ADGRB3: variants seen among roughly 807,000 people sequenced by gnomAD.
The protein encoded by ADGRB3 is adhesion G protein-coupled receptor B3.
ADGRB3 carries 37 observed loss-of-function variants against 193.4 expected under a neutral mutation model. That is an observed-to-expected ratio of 0.19 (90% CI 0.15 to 0.25). The LOEUF (loss-of-function observed/expected upper bound fraction) is 0.25. Among genes scored for constraint, ADGRB3 ranks in the 10% least tolerant of loss-of-function variants. ADGRB3 has a pLI of 1.00. For missense variants in ADGRB3, 1,637 were observed against 1,852.9 expected, an observed-to-expected ratio of 0.88 and a Z score of 2.14; for synonymous variants, 690 against 644.2, an observed-to-expected ratio of 1.07 and a Z score of -1.08.
At chr6:69,126,379 C>T (rs1206394369) in intron 17 of ADGRB3, among the ~76,000 whole-genome samples, 6 of 152,096 alleles carry the variant, frequency 3.9e-5, no homozygotes, top group South Asian at 2.1e-4. Flanking sequence ...GAACCAGGAA[C>T]GTTGGTAGAG....
intron 6 of ADGRB3, among the ~76,000 whole-genome samples, chr6:68,947,055 G>A (rs1767792545): frequency 6.6e-6 from 1 of 152,086 alleles, no homozygotes; most frequent in Admixed American, 6.6e-5. Flanking sequence ...CCTAGTGTGA[G>A]TTGTTAGTTA....
At chr6:69,008,429 G>C (rs901059803) in intron 11 of ADGRB3, among the ~76,000 whole-genome samples, 2 of 152,022 alleles carry the variant, frequency 1.3e-5, no homozygotes, top group Non-Finnish European at 2.9e-5. Flanking sequence ...TTCTCCTTTA[G>C]GCCTTAATAA....
chr6:68,856,664 A>G lies in ADGRB3; in HGVS notation c.758-73895A>G, dbSNP rs184734892. The stretch of plus-strand genomic sequence containing the variant: ...GAGGCTGTTAAATGCATTCAGTTTT[A>G]AAAGGGAAACAGCGTATTTGCAGCC... On this transcript the variant is annotated intron_variant, in intron 3 of 31. Coordinates refer to ENST00000370598, the MANE Select transcript of ADGRB3 (RefSeq NM_001704.3). 3.9e-5 allele frequency among the ~76,000 whole-genome samples: 6 copies of G among 152,310 alleles called. No individual in the cohort carries two copies. The East Asian group carries it at 9.7e-4, about 25-fold the overall frequency.
chr6:69,273,360 A>G (rs929903916), intron 20 of ADGRB3, among the ~76,000 whole-genome samples: 2 of 152,196 alleles, frequency 1.3e-5, no homozygotes, highest in Non-Finnish European at 2.9e-5. Flanking sequence ...GGCCATGTAG[A>G]CTAGTGATTT....
chr6:68,937,592 T>A (rs1163632536), intron 5 of ADGRB3, among the ~76,000 whole-genome samples: 1 of 152,172 alleles, frequency 6.6e-6, no homozygotes, highest in African/African-American at 2.4e-5. Context: ...GTAAAGAAAG[T>A]GACTTGCACT....
chr6:69,322,448 G>C (rs1768479484), intron 20 of ADGRB3, among the ~76,000 whole-genome samples: 1 of 151,878 alleles, frequency 6.6e-6, no homozygotes, highest in African/African-American at 2.4e-5. Flanking sequence ...AACAATGGCT[G>C]AACCATTTAC....
At chr6:68,964,506 C>G (rs964843379) in intron 8 of ADGRB3, among the ~76,000 whole-genome samples, 3 of 152,150 alleles carry the variant, frequency 2.0e-5, no homozygotes, top group Non-Finnish European at 4.4e-5. Flanking sequence ...GACTCACTGT[C>G]GTCTTTGGCT....
At chr6:69,131,933 A>G (rs1337231756) in intron 17 of ADGRB3, among the ~76,000 whole-genome samples, 1 of 152,086 alleles carries the variant, frequency 6.6e-6, no homozygotes, top group African/African-American at 2.4e-5. Context: ...AGTTTCATCC[A>G]TGTCCCTGCA....
At position 69,031,015 on chromosome 6, in the gene ADGRB3, C is replaced by CT. The variant is rs55776177; in HGVS notation, c.2107+12526dup. Among the ~76,000 whole-genome samples, 382 of 76,696 alleles carry CT rather than the reference C, an allele frequency of 5.0e-3. 52 individuals are homozygous for CT. The highest frequency in any genetic ancestry group is 8.1e-3 in the Middle Eastern group (1 of 124). The allele number at this position is 76,696 out of a possible 152,430, so 50.3% of individuals were successfully genotyped here. On this transcript the variant is annotated intron_variant, in intron 13 of 31. Transcript: ENST00000370598. Reference sequence around the variant, plus strand: ...TCTTTCTTTTCCTTTCTTTTCTTTTCTTTTTTTTTTCCTCTTCTCTTCTCT... The same window carrying CT: ...TCTTTCTTTTCCTTTCTTTTCTTTTCTTTTTTTTTTTCCTCTTCTCTTCTCT...
rs568522722 is a variant in ADGRB3, at chr6:68,966,568, G to A, written c.1526-8195G>A. On this transcript the variant is annotated intron_variant, in intron 8 of 31. Transcript: ENST00000370598. ...GGACACACTCTCCCCTTCTTCATTG[G>A]TGGAAGTCCTGCTTCTCCTTTACAC... is the stretch of plus-strand genomic sequence containing the variant. Among the ~76,000 whole-genome samples the A allele has an allele frequency of 2.0e-3, 309 of 152,032 alleles. 2 individuals are homozygous for A. The highest frequency in any genetic ancestry group is 7.3e-3 in the African/African-American group (301 of 41,456).
intron 3 of ADGRB3, among the ~76,000 whole-genome samples, chr6:68,784,595 G>A (rs1199488394): frequency 1.3e-5 from 2 of 151,922 alleles, no homozygotes; most frequent in African/African-American, 4.8e-5. Context: ...CACCTGTCAA[G>A]TGTATAAATT....
At chr6:68,923,777 T>C (rs149570789) in intron 3 of ADGRB3, among the ~76,000 whole-genome samples, 4 of 152,156 alleles carry the variant, frequency 2.6e-5, no homozygotes, top group African/African-American at 7.2e-5. Flanking sequence ...AGTGTGCATG[T>C]CAGAAAGTTT....
At chr6:69,328,279 G>A (rs982368030) in intron 22 of ADGRB3, among the ~76,000 whole-genome samples, 3 of 152,060 alleles carry the variant, frequency 2.0e-5, no homozygotes, top group African/African-American at 7.2e-5. Flanking sequence ...ACCAAGTTTT[G>A]TCATGTTAGT....
chr6:69,369,318 A>G (rs944370785), intron 29 of ADGRB3, among the ~76,000 whole-genome samples: 2 of 152,128 alleles, frequency 1.3e-5, no homozygotes, highest in African/African-American at 4.8e-5. Context: ...ATGTATACCA[A>G]CGGTGGAAAC....
intron 8 of ADGRB3, among the ~76,000 whole-genome samples, chr6:68,965,911 G>GA (rs1410808270): frequency 1.3e-5 from 2 of 152,100 alleles, no homozygotes; most frequent in Non-Finnish European, 2.9e-5. Context: ...CCATTAAACA[G>GA]AAAAAATAAT....
At chr6:69,322,088 ATAAGTG>A (rs1237929131) in intron 20 of ADGRB3, among the ~76,000 whole-genome samples, 37 of 151,854 alleles carry the variant, frequency 2.4e-4, no homozygotes, top group Non-Finnish European at 5.0e-4. Context: ...GCTCCCACTT[ATAAGTG>A]AAAACATGCA....
intron 17 of ADGRB3, among the ~76,000 whole-genome samples, chr6:69,090,828 C>A (rs755780629): frequency 6.6e-6 from 1 of 152,110 alleles, no homozygotes; most frequent in Non-Finnish European, 1.5e-5. Flanking sequence ...CTAATGGTTG[C>A]CCCAATCACA....
At chr6:68,835,639 A>C (rs1768031932) in intron 3 of ADGRB3, among the ~76,000 whole-genome samples, 5 of 151,748 alleles carry the variant, frequency 3.3e-5, no homozygotes, top group Non-Finnish European at 7.4e-5. Flanking sequence ...TGGAGCCCTT[A>C]CATGTTTTTT....
chr6:68,911,047 G>A (rs1314328083), intron 3 of ADGRB3, among the ~76,000 whole-genome samples: 2 of 151,770 alleles, frequency 1.3e-5, no homozygotes, highest in Non-Finnish European at 2.9e-5. Context: ...AGCATGGAAT[G>A]TTCTTCATGT....
Sources: allele counts gnomAD v4.1 joint callset (sites outside exome capture counted in the v4.1 genomes callset), GRCh38; gene constraint gnomAD v4.1.1; transcripts MANE v1.5; gene names NCBI Gene and HGNC (gene_info 2026-07-23, HGNC 2026-07-21).